Variants in ZNF658 observed in about 807,000 individuals in gnomAD.
The protein encoded by ZNF658 is zinc finger protein 658.
ZNF658 carries 46 observed loss-of-function variants against 78.0 expected under a neutral mutation model. The observed-to-expected ratio is 0.59, with a 90% CI of 0.47 to 0.75. The LOEUF (loss-of-function observed/expected upper bound fraction) is 0.75. Ranked by LOEUF, ZNF658 falls within the 30% of genes least tolerant of loss-of-function variation. The pLI, the probability that ZNF658 is intolerant of heterozygous loss-of-function variation, is 0.00. For synonymous variants in ZNF658, 279 were observed against 408.4 expected, an observed-to-expected ratio of 0.68 and a Z score of 3.82; for missense variants, 785 against 1,189.3, an observed-to-expected ratio of 0.66 and a Z score of 5.00.
At position 66,920,082 on chromosome 9, in the gene ZNF658, C is replaced by T. The variant is rs1822474040; in HGVS notation, c.2516C>T (p.Thr839Ile). 6.2e-7 allele frequency: 1 copy of T among 1,613,116 alleles called. No individual in the cohort carries two copies. The highest frequency in any genetic ancestry group is 8.5e-7 in the Non-Finnish European group (1 of 1,179,890). Residue 839 changes from threonine (T) to isoleucine (I), a missense_variant, in exon 5 of 5, where the codon ACA becomes ATA. By Grantham distance (89) the Thr-to-Ile change is moderately conservative (BLOSUM62 -1). This residue lies in a region of ZNF658 where 58 missense variants were observed against 63.0 expected (regional missense o/e 0.92). Transcript: ENST00000621410. The part of the protein sequence containing the change: ...NQCGKTFSQR[T>I]HLCAHQRIHT... ...TGTGGGAAAACTTTCTCCCAAAGAA[C>T]ACACCTCTGTGCACATCAGAGAATT...
At chr9:66,914,843 G>A (rs1397841965) in intron 4 of ZNF658, among the ~76,000 whole-genome samples, 1 of 151,990 alleles carries the variant, frequency 6.6e-6, no homozygotes, top group Non-Finnish European at 1.5e-5. Context: ...TTTATGTTAT[G>A]GGAGATATTG....
intron 2 of ZNF658, among the ~76,000 whole-genome samples, chr9:66,905,070 T>C (rs1268684184): frequency 1.1e-5 from 1 of 91,284 alleles, no homozygotes; most frequent in Non-Finnish European, 2.2e-5. Context: ...TTTCTTTTCT[T>C]TTTTTTTTTT....
rs201625180 is a variant in ZNF658 at position 66,908,374 on chromosome 9, G to T, written c.142+10G>T. 5 of 1,613,942 alleles carry T rather than the reference G, an allele frequency of 3.1e-6. No homozygotes were observed. Among genetic ancestry groups the T allele is most frequent in the Non-Finnish European group, 4.2e-6 (5 of 1,180,002 alleles). On this transcript the variant is annotated intron_variant, in intron 3 of 4. Transcript: ENST00000621410. The stretch of plus-strand genomic sequence containing the variant: ...CACCTCATCTCAGTGGGTGAGCATA[G>T]CTTACCATGGGGCTCTCTCGAGAAT...
intron 4 of ZNF658, among the ~76,000 whole-genome samples, 186 bp downstream of exon 4, chr9:66,908,920 T>C (rs1246883069): frequency 6.6e-6 from 1 of 152,170 alleles, no homozygotes; most frequent in Non-Finnish European, 1.5e-5. Flanking sequence ...GGAAGAAATA[T>C]TGCACTTTCA....
At chr9:66,903,291 C>A in intron 1 of ZNF658, 1 of 459,052 alleles carries the variant, frequency 2.2e-6, no homozygotes, top group Non-Finnish European at 4.0e-6. Flanking sequence ...TGTCCCTTTT[C>A]AAGAGTCAAA....
intron 6 of ZNF658, among the ~76,000 whole-genome samples, chr9:66,929,543 C>T (rs1253641570): frequency 1.3e-5 from 2 of 151,870 alleles, no homozygotes; most frequent in Admixed American, 1.3e-4. Flanking sequence ...AATGTTTCTT[C>T]CAGGATGCAG....
At chr9:66,913,573 C>T (rs888477455) in intron 4 of ZNF658, among the ~76,000 whole-genome samples, 1 of 152,142 alleles carries the variant, frequency 6.6e-6, no homozygotes. Flanking sequence ...CTCACTAAAA[C>T]TGAATATTAA....
intron 1 of ZNF658, chr9:66,903,301 A>T (rs1471473142): frequency 4.1e-6 from 2 of 487,642 alleles, no homozygotes; most frequent in Non-Finnish European, 7.5e-6. Context: ...CAAGAGTCAA[A>T]GGGACATTCT....
chr9:66,925,226 AAT>A (rs993796933), downstream of ZNF658, among the ~76,000 whole-genome samples: 42 of 147,830 alleles, frequency 2.8e-4, no homozygotes, highest in African/African-American at 1.0e-3. Context: ...AACTAGAGAC[AAT>A]ATCTCTCATG....
intron 4 of ZNF658, among the ~76,000 whole-genome samples, chr9:66,909,029 T>C (rs1214377168): frequency 6.6e-6 from 1 of 152,172 alleles, no homozygotes; most frequent in East Asian, 1.9e-4. Flanking sequence ...GTAGCATAAT[T>C]AATATGGTGA....
intron 6 of ZNF658, among the ~76,000 whole-genome samples, chr9:66,928,662 C>T (rs1211518010): frequency 6.7e-6 from 1 of 149,894 alleles, no homozygotes; most frequent in Non-Finnish European, 1.5e-5. Context: ...ACCATCCTGG[C>T]TAACACGGTG....
chr9:66,911,289 C>A (rs1030981068), intron 4 of ZNF658, among the ~76,000 whole-genome samples: 6 of 97,832 alleles, frequency 6.1e-5, no homozygotes, highest in Non-Finnish European at 1.0e-4. Flanking sequence ...AAACAGTATT[C>A]TCTGAACCTA....
chr9:66,913,120 C>T (rs1822251591), intron 4 of ZNF658, among the ~76,000 whole-genome samples: 3 of 150,054 alleles, frequency 2.0e-5, no homozygotes, highest in East Asian at 2.0e-4. Context: ...TTCACCCATG[C>T]CCAGGGTTAA....
chr9:66,918,679 T>A lies in ZNF658; in HGVS notation c.1113T>A (p.His371Gln). The change falls in exon 5 of 5, where the codon CAT becomes CAA. Residue 371 changes from histidine (H) to glutamine (Q), a missense_variant. Around this residue, in one of 12 missense-constraint regions of ZNF658, gnomAD observed 393 missense variants for 400.2 expected, o/e 0.98. Coordinates refer to ENST00000621410, the MANE Select transcript of ZNF658 (RefSeq NM_033160.7). ...ALYQKLDFTA[H>Q]QRIHTEDKFY... ...ACCAGAAATTAGACTTTACAGCACATCAGAGAATTCACACAGAAGATAAAT... is the reference window on the plus strand; with the variant it reads ...ACCAGAAATTAGACTTTACAGCACAACAGAGAATTCACACAGAAGATAAAT... 1 of 1,613,782 alleles carries A rather than the reference T, an allele frequency of 6.2e-7. No individual in the cohort carries two copies.
At position 66,903,575 on chromosome 9, in the gene ZNF658, A is replaced by G. The variant is rs1426332464; in HGVS notation, c.14A>G (p.Gln5Arg). Residue 5 changes from glutamine to arginine, a missense_variant and splice_region_variant, in exon 2 of 5, where the codon CAG becomes CGG. Transcript: ENST00000621410. MNMS[Q>R]ASVSFQDVTV... ...GAGCAGCAGAAAATGAACATGTCTC[A>G]GGTGAGTTAGGTTTTTAAAAACCGG... The G allele has an allele frequency of 6.2e-7, 1 of 1,611,924 alleles. No individual in the cohort carries two copies. Among genetic ancestry groups the G allele is most frequent in the Non-Finnish European group, 8.5e-7 (1 of 1,179,862 alleles).
rs775353192 is a variant in ZNF658 at position 66,920,415 on chromosome 9, A to G, written c.2849A>G (p.Asn950Ser). 2 of 1,611,152 alleles carry G rather than the reference A, an allele frequency of 1.2e-6. No individual in the cohort carries two copies. Among genetic ancestry groups the G allele is most frequent in the Non-Finnish European group, 1.7e-6 (2 of 1,179,598 alleles). ...CNVCGKPFAHNSTLRVHQRIH... is the reference protein window; with the variant it reads ...CNVCGKPFAHSSTLRVHQRIH... ...GTATGTGGGAAGCCATTTGCCCATA[A>G]TTCAACCCTCAGAGTACATCAAAGA... Residue 950 changes from asparagine (N) to serine (S), a missense_variant, in exon 5 of 5, where the codon AAT (asparagine) becomes AGT (serine). Asn to Ser is a conservative substitution (Grantham distance 46). Transcript: ENST00000621410.
At chr9:66,915,129 A>C (rs1822306052) in intron 4 of ZNF658, among the ~76,000 whole-genome samples, 1 of 151,724 alleles carries the variant, frequency 6.6e-6, no homozygotes, top group Admixed American at 6.6e-5. Flanking sequence ...TTACATTCTT[A>C]AGCCTTATTT....
At chr9:66,900,991 C>G (rs1379781324) in intron 1 of ZNF658, 155 bp downstream of exon 1, 1 of 152,178 alleles carries the variant, frequency 6.6e-6, no homozygotes, top group Non-Finnish European at 1.5e-5. Context: ...CGAGTCCTGT[C>G]CGCAGGTGTA....
downstream of ZNF658, among the ~76,000 whole-genome samples, chr9:66,921,952 C>A (rs535259522): frequency 1.5e-5 from 2 of 131,068 alleles, no homozygotes; most frequent in South Asian, 2.9e-4. Flanking sequence ...CCTAGAGGTG[C>A]AGTCTACAGA....
Sources: gnomAD v4.1 joint callset for allele counts (sites outside exome capture counted in the v4.1 genomes callset) on GRCh38, gnomAD v4.1.1 for gene constraint, gnomAD v4.1.1 regional missense constraint, MANE v1.5 for transcripts, NCBI Gene and HGNC (gene_info 2026-07-23, HGNC 2026-07-21) for gene names.